The following SAMMSON variants were observed in gnomAD, a reference collection of about 807,000 sequenced individuals.
The protein encoded by SAMMSON is survival associated mitochondrial melanoma specific oncogenic non-coding RNA.
intron 7 of SAMMSON, among the ~76,000 whole-genome samples, chr3:70,344,821 G>A (rs978857197): frequency 3.9e-5 from 6 of 152,260 alleles, no homozygotes; most frequent in South Asian, 2.1e-4. Flanking sequence ...GAACTCTGCC[G>A]TTTCATTACA....
intron 3 of SAMMSON, among the ~76,000 whole-genome samples, chr3:70,056,156 A>C (rs1331116652): frequency 6.6e-6 from 1 of 152,088 alleles, no homozygotes; most frequent in Admixed American, 6.6e-5. Context: ...AGTTAGAGAC[A>C]AAGGGCTTCT....
At chr3:70,402,173 G>T (rs1370623683) in intron 2 of SAMMSON, among the ~76,000 whole-genome samples, 4 of 152,202 alleles carry the variant, frequency 2.6e-5, no homozygotes, top group Admixed American at 2.0e-4. Context: ...TGTTAGCAGA[G>T]TCTTGGTTCT....
chr3:70,017,068 G>T (rs2066989221), intron 3 of SAMMSON, among the ~76,000 whole-genome samples: 1 of 152,004 alleles, frequency 6.6e-6, no homozygotes, highest in Non-Finnish European at 1.5e-5. Flanking sequence ...TTGGCGATGT[G>T]GGCTCTTTTT....
chr3:70,315,449 G>A (rs192908345), intron 7 of SAMMSON, among the ~76,000 whole-genome samples: 2 of 152,266 alleles, frequency 1.3e-5, no homozygotes, highest in Non-Finnish European at 2.9e-5. Flanking sequence ...TATAAGAGCT[G>A]TAGGTATTAA....
intron 4 of SAMMSON, among the ~76,000 whole-genome samples, chr3:70,214,621 T>TTA (rs1553645970): frequency 0.021 from 3,199 of 150,298 alleles, 94 homozygotes; most frequent in African/African-American, 0.073. Context: ...TTTTTTTTTT[T>TTA]ATCTAACTAT....
chr3:70,015,395 C>T (rs371666546), intron 3 of SAMMSON: 8 of 151,780 alleles, frequency 5.3e-5, no homozygotes, highest in African/African-American at 1.9e-4. Flanking sequence ...GCCAGAAGTG[C>T]TGTTCTTTTT....
chr3:70,162,984 G>C (rs2067622078), intron 4 of SAMMSON, among the ~76,000 whole-genome samples: 1 of 151,422 alleles, frequency 6.6e-6, no homozygotes, highest in South Asian at 2.1e-4. Context: ...TTTACTGTTT[G>C]CATGGTGTTC....
At chr3:70,422,161 G>A (rs1181255877) in intron 2 of SAMMSON, among the ~76,000 whole-genome samples, 7 of 151,934 alleles carry the variant, frequency 4.6e-5, no homozygotes, top group Non-Finnish European at 1.0e-4. Context: ...AATAAGAGGT[G>A]TATATGGGAA....
intron 1 of SAMMSON, among the ~76,000 whole-genome samples, chr3:70,010,810 A>C (rs1183785459): frequency 1.3e-5 from 2 of 152,150 alleles, no homozygotes; most frequent in Non-Finnish European, 2.9e-5. Flanking sequence ...AAGGCAAAGG[A>C]GCAGCAGGCA....
chr3:70,241,626 C>G (rs187499185), intron 4 of SAMMSON, among the ~76,000 whole-genome samples: 1 of 152,098 alleles, frequency 6.6e-6, no homozygotes, highest in East Asian at 1.9e-4. Flanking sequence ...AGTACCTGAC[C>G]CAAGTTCACA....
chr3:70,334,465 A>C (rs1392214595), intron 7 of SAMMSON, among the ~76,000 whole-genome samples: 1 of 152,000 alleles, frequency 6.6e-6, no homozygotes, highest in Non-Finnish European at 1.5e-5. Flanking sequence ...GCTCAAAATT[A>C]TGTTTCACTA....
At chr3:70,126,084 G>C in intron 4 of SAMMSON, 2 of 1,203,092 alleles carry the variant, frequency 1.7e-6, no homozygotes, top group South Asian at 1.3e-5. Flanking sequence ...ACTTAGGCAC[G>C]CTTGCCAAAG....
chr3:70,284,067 G>A (rs942739424), intron 6 of SAMMSON, among the ~76,000 whole-genome samples: 2 of 152,052 alleles, frequency 1.3e-5, no homozygotes, highest in Non-Finnish European at 2.9e-5. Context: ...AATGAACTTG[G>A]TTTTAAACCT....
chr3:70,120,736 T>C (rs2067429368), intron 4 of SAMMSON: 1 of 152,246 alleles, frequency 6.6e-6, no homozygotes, highest in Non-Finnish European at 1.5e-5. Flanking sequence ...TAGTCTTCTC[T>C]TGAAGCTCTC....
chr3:70,033,770 TG>T, intron 3 of SAMMSON, among the ~76,000 whole-genome samples: 1 of 152,160 alleles, frequency 6.6e-6, no homozygotes, highest in African/African-American at 2.4e-5. Context: ...TCAATGGATT[TG>T]GGGACTACAT....
chr3:70,130,214 G>A (rs1352214846), intron 4 of SAMMSON, among the ~76,000 whole-genome samples: 1 of 152,128 alleles, frequency 6.6e-6, no homozygotes, highest in Non-Finnish European at 1.5e-5. Context: ...AGATGGAGAC[G>A]AATATAGTTG....
intron 4 of SAMMSON, chr3:70,206,448 G>A (rs946775955): frequency 1.0e-4 from 40 of 394,214 alleles, no homozygotes; most frequent in Non-Finnish European, 1.7e-4. Context: ...TTTTCAAATC[G>A]AAGTCTTCGT....
At chr3:70,344,983 G>C (rs1257730164) in intron 7 of SAMMSON, among the ~76,000 whole-genome samples, 1 of 152,154 alleles carries the variant, frequency 6.6e-6, no homozygotes, top group Non-Finnish European at 1.5e-5. Context: ...GATGTCATCG[G>C]TTCTAGACCT....
At chr3:70,091,774 T>A (rs1488491439) in intron 4 of SAMMSON, among the ~76,000 whole-genome samples, 1 of 152,138 alleles carries the variant, frequency 6.6e-6, no homozygotes, top group Non-Finnish European at 1.5e-5. Context: ...GGAGGAGCCT[T>A]CATTTGTCTA....
Sources: gnomAD v4.1 joint callset for allele counts (sites outside exome capture counted in the v4.1 genomes callset) on GRCh38, gnomAD v4.1.1 for gene constraint, MANE v1.5 for transcripts, NCBI Gene and HGNC (gene_info 2026-07-23, HGNC 2026-07-21) for gene names.